HGS: variants seen among roughly 807,000 people sequenced by gnomAD.
HGS encodes hepatocyte growth factor-regulated tyrosine kinase substrate.
A neutral mutation model predicts 109.7 loss-of-function variants in HGS; 63 were observed. The ratio of observed to expected loss-of-function variants is 0.57; its 90% CI spans 0.47 to 0.71. HGS has a LOEUF of 0.71. Ranked by LOEUF, HGS falls within the 30% of genes least tolerant of loss-of-function variation. The probability of loss-of-function intolerance (pLI) is 0.00; values close to 1 mark genes in which losing one functional copy is unlikely to be tolerated. For missense variants in HGS, 995 were observed against 1,068.3 expected (o/e 0.93, Z 0.96); for synonymous variants, 546 against 437.3 (o/e 1.25, Z -3.10).
At chr17:81,685,214 C>T (rs1318690968) in intron 1 of HGS, 8 of 272,588 alleles carry the variant, frequency 2.9e-5, no homozygotes, top group East Asian at 1.8e-4. Flanking sequence ...AGCATCTGGG[C>T]GAACGGGGAC....
At chr17:81,684,954 G>C (rs2036951584) in intron 1 of HGS, 1 of 985,426 alleles carries the variant, frequency 1.0e-6, no homozygotes, top group East Asian at 1.1e-4. Flanking sequence ...GAAAGTGGAC[G>C]TGGCTTGGCT....
Position 81,700,506 on chromosome 17 carries a change from C to A in HGS, c.1922C>A (p.Ala641Asp). 1 of 1,606,200 alleles carries A rather than the reference C, an allele frequency of 6.2e-7. No individual in the cohort carries two copies. The highest frequency in any genetic ancestry group is 8.5e-7 in the Non-Finnish European group (1 of 1,176,000). The change falls in exon 19 of 22, where the codon GCC (alanine) becomes GAC (aspartate). Residue 641 changes from alanine (A) to aspartate (D), a missense_variant. Physicochemically the swap from Ala to Asp is moderately radical, Grantham distance 126. Around this residue, in one of 6 missense-constraint regions of HGS, gnomAD observed 326 missense variants for 309.7 expected, o/e 1.05. Transcript: ENST00000329138. ...MVSAYMYPAG[A>D]TGAQAAPQAQ... is the part of the protein sequence containing the mutation. ...AGTGCCTACATGTACCCAGCAGGGGCCACTGGGGCGCAGGCGGCCCCCCAG... is the reference window on the plus strand; with the variant it reads ...AGTGCCTACATGTACCCAGCAGGGGACACTGGGGCGCAGGCGGCCCCCCAG...
chr17:81,698,450 C>G (rs2042386092), intron 18 of HGS: 1 of 152,216 alleles, frequency 6.6e-6, no homozygotes, highest in African/African-American at 2.4e-5. Flanking sequence ...TCAAAGTTTC[C>G]CAGGTGTGGC....
At position 81,696,957 on chromosome 17, in the gene HGS, C is replaced by T. The variant is rs1259766302; in HGVS notation, c.1841C>T (p.Pro614Leu). 1.2e-6 allele frequency: 2 copies of T among 1,602,586 alleles called. No homozygotes were observed. The highest frequency in any genetic ancestry group is 1.7e-5 in the Admixed American group (1 of 59,840). ...GGCGTGTACATGAGCCAGCCGGCCC[C>T]TGCCGCTGGCCCCTACCCCAGCATG... The part of the protein sequence containing the change: ...MHGVYMSQPA[P>L]AAGPYPSMPS... The change falls in exon 18 of 22, where the codon CCT becomes CTT. Residue 614 changes from proline to leucine, a missense_variant. Physicochemically the swap from Pro to Leu is moderately conservative, Grantham distance 98 (BLOSUM62 -3). Around this residue, in one of 6 missense-constraint regions of HGS, gnomAD observed 326 missense variants for 309.7 expected, o/e 1.05. Transcript: ENST00000329138.
chr17:81,700,149 A>G (rs199857304), intron 18 of HGS, among the ~76,000 whole-genome samples: 1 of 151,672 alleles, frequency 6.6e-6, no homozygotes, highest in Non-Finnish European at 1.5e-5. Context: ...GGCGGATCAC[A>G]AGGTCAGGAG....
Position 81,693,734 on chromosome 17 carries a change from G to T in HGS, c.822G>T (p.Ala274=). The T allele has an allele frequency of 6.4e-7, 1 of 1,553,722 alleles. No homozygotes were observed. Residue 274 remains alanine (A), a synonymous_variant, in exon 10 of 22, where the codon GCG becomes GCT. Transcript: ENST00000329138. The part of the protein sequence containing the change: ...QLALALSQSE[A]EEKERLRQKS... ...CCCTGGCGCTGTCACAGTCAGAGGC[G>T]GAGGAGAAGGAGAGGCTGGTAAGCC... is the stretch of plus-strand genomic sequence containing the variant.
In HGS at chr17:81,688,840, TGAGGTTGGGAC is replaced by T. The variant is rs745647846; in HGVS notation, c.415+14_415+24del. 6.2e-7 allele frequency: 1 copy of T among 1,614,022 alleles called. No individual in the cohort carries two copies. Among genetic ancestry groups the T allele is most frequent in the South Asian group, 1.1e-5 (1 of 91,064 alleles). ...ATGAAGGTGGAGGGTGAGTCAGGAC[TGAGGTTGGGAC>T]CAGGTTGAGGCTTGGAACTGCTGGG... On this transcript the variant is annotated intron_variant, in intron 5 of 21. Transcript: ENST00000329138.
intron 21 of HGS, 160 bp downstream of exon 21, chr17:81,701,291 A>G: frequency 1.2e-6 from 1 of 807,830 alleles, no homozygotes; most frequent in Non-Finnish European, 2.0e-6. Flanking sequence ...GAACGAGGAC[A>G]CAAGTCTCAG....
At position 81,684,045 on chromosome 17, in the gene HGS, C is replaced by G. The variant is rs778049575; in HGVS notation, c.-22C>G. The G allele has an allele frequency of 1.3e-6, 2 of 1,588,084 alleles. No individual in the cohort carries two copies. The highest frequency in any genetic ancestry group is 1.7e-6 in the Non-Finnish European group (2 of 1,170,300). ...CGTAGCAGGGGAGCGCCCGCGGCGT[C>G]GGGTTTGGGCTGGAGGTCGCCATGG... On this transcript the variant is annotated 5_prime_UTR_variant, in exon 1 of 22. Transcript: ENST00000329138.
intron 6 of HGS, 32 bp from the exon 7 acceptor site, chr17:81,690,642 A>C: frequency 6.3e-7 from 1 of 1,598,050 alleles, no homozygotes; most frequent in Non-Finnish European, 8.5e-7. Context: ...TGGGGCGGGA[A>C]GCGTGTGGTC....
In HGS at chr17:81,701,563, A is replaced by C. The variant is rs780937655; in HGVS notation, c.2279A>C (p.Gln760Pro). Residue 760 changes from glutamine (Q) to proline (P), a missense_variant, in exon 22 of 22, where the codon CAG becomes CCG. By Grantham distance (76) the Gln-to-Pro change is moderately conservative. This residue lies in a region of HGS where 326 missense variants were observed against 309.7 expected (regional missense o/e 1.05). Transcript: ENST00000329138. ...QQQPPVAQQP[Q>P]AQGPPAQGSE... ...CAGCCCCCCGTGGCCCAGCAACCGC[A>C]GGCACAGGGGCCGCCGGCACAGGGC... 3.2e-6 allele frequency: 5 copies of C among 1,572,862 alleles called. No homozygotes were observed. The highest frequency in any genetic ancestry group is 3.4e-6 in the Non-Finnish European group (4 of 1,166,460).
chr17:81,684,241 G>A, intron 1 of HGS, 138 bp downstream of exon 1: 2 of 805,176 alleles, frequency 2.5e-6, no homozygotes, highest in Non-Finnish European at 3.4e-6. Context: ...TGTCCTCCCG[G>A]GTTCGGAGCC....
In HGS at chr17:81,696,420, C is replaced by G; in HGVS notation, c.1457C>G (p.Ala486Gly). The change falls in exon 16 of 22, where the codon GCC becomes GGC. Residue 486 changes from alanine to glycine, a missense_variant. Coordinates refer to ENST00000329138, the MANE Select transcript of HGS (RefSeq NM_004712.5). ...QIRDARGALS[A>G]LREEHREKLR... ...CGCGATGCCCGGGGGGCGCTGAGTG[C>G]CCTGCGCGAAGAGCACCGGGAGAAG... is the stretch of plus-strand genomic sequence containing the variant. 6.3e-7 allele frequency: 1 copy of G among 1,576,794 alleles called. No individual in the cohort carries two copies. Among genetic ancestry groups the G allele is most frequent in the Non-Finnish European group, 8.6e-7 (1 of 1,164,128 alleles).
chr17:81,688,220 G>GGTGGCTGC (rs1337296721), intron 4 of HGS, among the ~76,000 whole-genome samples: 2 of 152,188 alleles, frequency 1.3e-5, no homozygotes, highest in African/African-American at 4.8e-5. Flanking sequence ...CGGGGGAGAG[G>GGTGGCTGC]ATGGCTGCAG....
chr17:81,694,104 C>G, intron 11 of HGS, 139 bp downstream of exon 11: 1 of 691,376 alleles, frequency 1.4e-6, no homozygotes, highest in Non-Finnish European at 2.4e-6. Context: ...CCCCAGCACA[C>G]GGGCGGACAT....
intron 3 of HGS, 128 bp downstream of exon 3, chr17:81,686,515 A>C: frequency 1.5e-6 from 1 of 681,184 alleles, no homozygotes; most frequent in Non-Finnish European, 2.6e-6. Context: ...GAGAGTTTCC[A>C]CTCAGCCTTG....
intron 2 of HGS, 21 bp from the exon 3 acceptor site, chr17:81,686,291 T>C (rs72858893): frequency 0.065 from 104,022 of 1,604,428 alleles, 4,509 homozygotes; most frequent in East Asian, 0.26. Context: ...TTCTCTGCTT[T>C]TATCAATGTT....
At chr17:81,687,183 AC>A in intron 4 of HGS, 88 bp downstream of exon 4, 1 of 879,890 alleles carries the variant, frequency 1.1e-6, no homozygotes, top group Non-Finnish European at 1.9e-6. Flanking sequence ...ACAGAACAGC[AC>A]CAGGTGTGGC....
chr17:81,684,314 C>T, intron 1 of HGS: 2 of 393,770 alleles, frequency 5.1e-6, no homozygotes, highest in Non-Finnish European at 8.7e-6. Flanking sequence ...GCAAATGGGG[C>T]TCTGCGAGGG....
Sources: allele counts gnomAD v4.1 joint callset (sites outside exome capture counted in the v4.1 genomes callset), GRCh38; gene constraint gnomAD v4.1.1; regional missense constraint gnomAD v4.1.1; transcripts MANE v1.5; gene names NCBI Gene and HGNC (gene_info 2026-07-23, HGNC 2026-07-21).